The following NEK6 variants were observed in gnomAD, a reference collection of about 807,000 sequenced individuals.
NEK6 encodes the protein NIMA related kinase 6, also known as serine/threonine-protein kinase Nek6.
Under a neutral mutation model 43.5 loss-of-function variants are expected in NEK6, and 27 were observed. That is an observed-to-expected ratio of 0.62 (90% CI 0.46 to 0.86). NEK6 has a LOEUF of 0.86. NEK6 is among the 40% of genes least tolerant of loss of function. NEK6 has a pLI of 0.00. For synonymous variants in NEK6, 167 were observed against 164.1 expected (o/e 1.02, Z -0.14); for missense variants, 318 against 414.4 (o/e 0.77, Z 2.02).
At chr9:124,341,332 T>C (rs1166779476) in intron 8 of NEK6, among the ~76,000 whole-genome samples, 5 of 152,132 alleles carry the variant, frequency 3.3e-5, no homozygotes, top group Admixed American at 6.5e-5. Context: ...GTGGTCCTTG[T>C]GGAACTGGTG....
rs2900219 is a variant in NEK6 at position 124,345,001 on chromosome 9, T to A, written c.718-2708T>A. Among the ~76,000 whole-genome samples, 1,269 of 152,332 alleles carry A rather than the reference T, an allele frequency of 8.3e-3. 50 individuals carry two copies. Among genetic ancestry groups the A allele is most frequent in the Admixed American group, 0.072 (1,108 of 15,306 alleles). ...GTGACAAGATGGGTGTCTGAGGCCCTGACAGGCAGGAGTCAGATTCCCCTT... is the reference window on the plus strand; with the variant it reads ...GTGACAAGATGGGTGTCTGAGGCCCAGACAGGCAGGAGTCAGATTCCCCTT... On this transcript the variant is annotated intron_variant, in intron 8 of 9. Transcript: ENST00000320246.
At chr9:124,259,787 C>T (rs1830955763) in intron 1 of NEK6, among the ~76,000 whole-genome samples, 1 of 152,162 alleles carries the variant, frequency 6.6e-6, no homozygotes, top group African/African-American at 2.4e-5. Flanking sequence ...CTCTGCTGTC[C>T]CGTCTGCTTC....
At chr9:124,349,230 T>A (rs971801085) in intron 9 of NEK6, among the ~76,000 whole-genome samples, 2 of 152,224 alleles carry the variant, frequency 1.3e-5, no homozygotes, top group African/African-American at 4.8e-5. Flanking sequence ...TCCTCCCCAG[T>A]GGGAGGAAAA....
intron 7 of NEK6, among the ~76,000 whole-genome samples, chr9:124,331,816 C>G (rs1367163212): frequency 3.3e-5 from 5 of 152,336 alleles, no homozygotes; most frequent in East Asian, 1.9e-4. Context: ...GACACCTGTC[C>G]GTGCAGGTGC....
chr9:124,263,881 C>T (rs1310240133), intron 1 of NEK6, among the ~76,000 whole-genome samples: 3 of 152,244 alleles, frequency 2.0e-5, no homozygotes, highest in Non-Finnish European at 2.9e-5. Flanking sequence ...CCCCACAAAG[C>T]GAGGCCATAA....
chr9:124,329,426 C>T (rs577421328), intron 7 of NEK6, among the ~76,000 whole-genome samples: 1 of 152,366 alleles, frequency 6.6e-6, no homozygotes, highest in African/African-American at 2.4e-5. Flanking sequence ...AGATGCGTCT[C>T]ATCCGACAGT....
intron 1 of NEK6, chr9:124,292,173 G>A: frequency 8.0e-7 from 1 of 1,250,008 alleles, no homozygotes; most frequent in African/African-American, 1.5e-5. Flanking sequence ...CCAGGCCCCA[G>A]GGACCTCCAG....
chr9:124,312,869 G>C (rs1396288882), intron 3 of NEK6, among the ~76,000 whole-genome samples: 1 of 152,252 alleles, frequency 6.6e-6, no homozygotes, highest in Non-Finnish European at 1.5e-5. Context: ...AGCGCCTGCT[G>C]TGTACTGGGT....
At chr9:124,349,479 C>G (rs1830134089) in intron 9 of NEK6, among the ~76,000 whole-genome samples, 1 of 152,194 alleles carries the variant, frequency 6.6e-6, no homozygotes, top group Non-Finnish European at 1.5e-5. Context: ...CACGAGCCCC[C>G]ACTCCCCGGA....
intron 8 of NEK6, among the ~76,000 whole-genome samples, chr9:124,341,865 C>T (rs2131057228): frequency 6.6e-6 from 1 of 152,316 alleles, no homozygotes; most frequent in Non-Finnish European, 1.5e-5. Flanking sequence ...TGGTGTAGGG[C>T]CCTGTGTGCC....
At position 124,265,202 on chromosome 9, in the gene NEK6, G is replaced by C. The variant is rs1201465754; in HGVS notation, c.-30+7117G>C. On this transcript the variant is annotated intron_variant, in intron 1 of 9. Transcript: ENST00000320246. ...CCATCCAGCGGTTTGCTTTAAAGTG[G>C]TTAAATATATCTGAGAAAAATGTTA... is the stretch of plus-strand genomic sequence containing the variant. Among the ~76,000 whole-genome samples, 4 of 152,168 alleles carry C rather than the reference G, an allele frequency of 2.6e-5. No individual in the cohort carries two copies. In the East Asian group the frequency reaches 7.7e-4, roughly 29 times the overall value.
At chr9:124,271,611 C>T (rs1831441084) in intron 1 of NEK6, among the ~76,000 whole-genome samples, 1 of 152,270 alleles carries the variant, frequency 6.6e-6, no homozygotes, top group Non-Finnish European at 1.5e-5. Context: ...ATAAACCACA[C>T]ACTTTGGAAA....
intron 2 of NEK6, among the ~76,000 whole-genome samples, chr9:124,311,220 C>T (rs1036063730): frequency 7.2e-5 from 11 of 152,198 alleles, no homozygotes; most frequent in Admixed American, 3.3e-4. Flanking sequence ...CTCCTAAAGA[C>T]GCCTCGGTAC....
chr9:124,345,448 A>C (rs1015026466), intron 8 of NEK6, among the ~76,000 whole-genome samples: 1 of 152,206 alleles, frequency 6.6e-6, no homozygotes, highest in Non-Finnish European at 1.5e-5. Context: ...TGCTGACCCC[A>C]TTCAAAAGGC....
At chr9:124,320,011 C>T (rs1833987967) in intron 4 of NEK6, among the ~76,000 whole-genome samples, 1 of 152,242 alleles carries the variant, frequency 6.6e-6, no homozygotes, top group African/African-American at 2.4e-5. Flanking sequence ...AAGATGGCAA[C>T]AGGGCTCCCT....
intron 1 of NEK6, among the ~76,000 whole-genome samples, chr9:124,296,764 C>T (rs1045271699): frequency 2.6e-5 from 4 of 152,266 alleles, no homozygotes; most frequent in African/African-American, 4.8e-5. Context: ...GGCCGGGCCA[C>T]GATGAGCCAC....
intron 4 of NEK6, among the ~76,000 whole-genome samples, chr9:124,316,783 T>C (rs1262912092): frequency 1.3e-5 from 2 of 152,196 alleles, no homozygotes; most frequent in Non-Finnish European, 2.9e-5. Context: ...AGCCCTTCCT[T>C]AACCCCCTGC....
intron 7 of NEK6, among the ~76,000 whole-genome samples, chr9:124,334,567 C>T (rs577356303): frequency 2.6e-5 from 4 of 152,274 alleles, no homozygotes; most frequent in South Asian, 2.1e-4. Flanking sequence ...AGGGATCTGT[C>T]GGCCTGCCTT....
intron 1 of NEK6, among the ~76,000 whole-genome samples, chr9:124,269,100 T>C (rs1183292786): frequency 2.0e-5 from 3 of 152,164 alleles, no homozygotes; most frequent in Admixed American, 6.5e-5. Flanking sequence ...CCGAGTGCTG[T>C]ACCCTTCACT....
Sources: allele counts gnomAD v4.1 joint callset (sites outside exome capture counted in the v4.1 genomes callset), GRCh38; gene constraint gnomAD v4.1.1; transcripts MANE v1.5; gene names NCBI Gene and HGNC (gene_info 2026-07-23, HGNC 2026-07-21).